Variants in SNX29 observed in about 807,000 individuals in gnomAD.
SNX29 encodes the protein sorting nexin 29, also known as sorting nexin-29.
SNX29 carries 78 observed loss-of-function variants against 102.1 expected under a neutral mutation model. The ratio of observed to expected loss-of-function variants is 0.76; its 90% CI spans 0.64 to 0.92. The LOEUF is 0.92. Ranked by LOEUF, SNX29 falls within the 40% of genes least tolerant of loss-of-function variation. The pLI, the probability that SNX29 is intolerant of heterozygous loss-of-function variation, is 0.00. For missense variants in SNX29, 1,280 were observed against 1,061.7 expected (o/e 1.21, Z -2.86); for synonymous variants, 580 against 414.5 (o/e 1.40, Z -4.85).
intron 18 of SNX29, among the ~76,000 whole-genome samples, chr16:12,452,840 T>C (rs562761795): frequency 6.6e-6 from 1 of 152,300 alleles, no homozygotes; most frequent in South Asian, 2.1e-4. Context: ...GGTCTATCTA[T>C]CCTGTTCAAG....
intron 3 of SNX29, among the ~76,000 whole-genome samples, chr16:12,020,066 T>C (rs1021659478): frequency 2.6e-5 from 4 of 152,158 alleles, no homozygotes; most frequent in African/African-American, 9.7e-5. Flanking sequence ...TTTAAAGACC[T>C]AAATAGCTAT....
At chr16:12,395,844 G>A (rs2083701380) in intron 16 of SNX29, among the ~76,000 whole-genome samples, 1 of 152,206 alleles carries the variant, frequency 6.6e-6, no homozygotes, top group South Asian at 2.1e-4. Flanking sequence ...GTCAAGTCTA[G>A]CTAATATCTG....
chr16:12,314,873 A>T (rs1171199359), intron 15 of SNX29, among the ~76,000 whole-genome samples: 1 of 152,134 alleles, frequency 6.6e-6, no homozygotes, highest in Non-Finnish European at 1.5e-5. Flanking sequence ...GACACACACG[A>T]TGTTATTCTG....
chr16:12,079,773 ACTC>A (rs979675760), intron 11 of SNX29, among the ~76,000 whole-genome samples: 5 of 151,976 alleles, frequency 3.3e-5, no homozygotes, highest in Non-Finnish European at 5.9e-5. Context: ...AGAGACCGGG[ACTC>A]CTCCTGTCTT....
intron 3 of SNX29, among the ~76,000 whole-genome samples, chr16:12,021,791 C>T (rs185232513): frequency 6.5e-4 from 98 of 151,768 alleles, no homozygotes; most frequent in African/African-American, 2.2e-3. Context: ...ACTCCAGAGG[C>T]TTGAGGCAGG....
intron 20 of SNX29, among the ~76,000 whole-genome samples, chr16:12,559,127 CCCT>C (rs2078560619): frequency 6.6e-6 from 1 of 152,114 alleles, no homozygotes; most frequent in African/African-American, 2.4e-5. Context: ...AGGCTTGGAT[CCCT>C]CTTCTGGTCC....
chr16:12,275,726 A>G (rs1596721979), intron 14 of SNX29, among the ~76,000 whole-genome samples: 1 of 151,236 alleles, frequency 6.6e-6, no homozygotes, highest in Non-Finnish European at 1.5e-5. Flanking sequence ...TCTTTATAAA[A>G]ACCTTTTTTT....
intron 17 of SNX29, among the ~76,000 whole-genome samples, chr16:12,401,268 A>G (rs2083929578): frequency 6.6e-6 from 1 of 152,190 alleles, no homozygotes; most frequent in African/African-American, 2.4e-5. Flanking sequence ...CTTTCCAGGA[A>G]AGACTGTATG....
rs191979115 is a variant in SNX29, at chr16:12,135,160, G to A, written c.1595+5402G>A. ...ATGATGCTTGCCCACATTGGTGAGG[G>A]CCATTTGTTTCACTCAGTCCACAAA... On this transcript the variant is annotated intron_variant, in intron 13 of 20. Coordinates refer to ENST00000566228, the MANE Select transcript of SNX29 (RefSeq NM_032167.5). 2.7e-3 allele frequency among the ~76,000 whole-genome samples: 409 copies of A among 152,296 alleles called. 6 individuals carry two copies. Among genetic ancestry groups the A allele is most frequent in the Non-Finnish European group, 4.2e-3 (287 of 68,020 alleles).
intron 14 of SNX29, among the ~76,000 whole-genome samples, chr16:12,242,383 T>A (rs1020485796): frequency 6.3e-5 from 9 of 143,914 alleles, no homozygotes; most frequent in Admixed American, 3.5e-4. Context: ...TTTTTTTTTT[T>A]AAGAAGAGGA....
chr16:12,266,982 C>T (rs1177478273), intron 14 of SNX29, among the ~76,000 whole-genome samples: 2 of 151,978 alleles, frequency 1.3e-5, no homozygotes, highest in Non-Finnish European at 2.9e-5. Flanking sequence ...AGGCTGGTCT[C>T]GAACTCTTGA....
intron 11 of SNX29, among the ~76,000 whole-genome samples, chr16:12,122,939 G>C (rs543291989): frequency 6.6e-6 from 1 of 151,978 alleles, no homozygotes; most frequent in East Asian, 1.9e-4. Flanking sequence ...CAATTCTCCC[G>C]CCTCAGCCTC....
chr16:11,993,964 T>G (rs2055956853), intron 1 of SNX29, among the ~76,000 whole-genome samples: 1 of 152,010 alleles, frequency 6.6e-6, no homozygotes, highest in Non-Finnish European at 1.5e-5. Context: ...CTACTAAAAA[T>G]ACAAAAATTA....
chr16:12,420,826 C>A (rs112840962), intron 18 of SNX29, among the ~76,000 whole-genome samples: 2 of 152,138 alleles, frequency 1.3e-5, no homozygotes, highest in Non-Finnish European at 2.9e-5. Context: ...CTGATAGTCT[C>A]GCCCACAAGG....
chr16:12,151,882 C>T (rs1385116396), intron 13 of SNX29, among the ~76,000 whole-genome samples: 1 of 152,154 alleles, frequency 6.6e-6, no homozygotes, highest in African/African-American at 2.4e-5. Flanking sequence ...ATTACAGGTG[C>T]ACATCACCAT....
intron 3 of SNX29, among the ~76,000 whole-genome samples, chr16:12,021,917 C>G (rs775950146): frequency 4.6e-5 from 7 of 151,494 alleles, no homozygotes; most frequent in Non-Finnish European, 1.0e-4. Context: ...TAGGACAAAG[C>G]TCATGAAAAC....
chr16:12,246,776 G>C (rs1379384004), intron 14 of SNX29, among the ~76,000 whole-genome samples: 3 of 152,208 alleles, frequency 2.0e-5, no homozygotes, highest in Non-Finnish European at 4.4e-5. Context: ...GCCCACAGCA[G>C]TCACTGGCAA....
chr16:12,418,737 C>T (rs181906961), intron 18 of SNX29, among the ~76,000 whole-genome samples: 1 of 152,060 alleles, frequency 6.6e-6, no homozygotes, highest in Non-Finnish European at 1.5e-5. Flanking sequence ...CTGGTCTCGA[C>T]CTCCTAACCT....
At chr16:12,518,343 C>G (rs2089955883) in intron 19 of SNX29, among the ~76,000 whole-genome samples, 1 of 152,198 alleles carries the variant, frequency 6.6e-6, no homozygotes, top group African/African-American at 2.4e-5. Context: ...TCTGGAGCCG[C>G]TAAACCCAGC....
Sources: gnomAD v4.1 joint callset for allele counts (sites outside exome capture counted in the v4.1 genomes callset) on GRCh38, gnomAD v4.1.1 for gene constraint, MANE v1.5 for transcripts, NCBI Gene and HGNC (gene_info 2026-07-23, HGNC 2026-07-21) for gene names.